Variants in FGGY observed in about 807,000 individuals in gnomAD.
FGGY encodes the protein FGGY carbohydrate kinase domain-containing protein.
A neutral mutation model predicts 71.3 loss-of-function variants in FGGY; 72 were observed. The observed-to-expected ratio is 1.01, with a 90% CI of 0.84 to 1.23. The LOEUF is 1.23. FGGY is among the 50% of genes most tolerant of loss of function. FGGY has a pLI of 0.00. For missense variants in FGGY, 668 were observed against 682.3 expected, an observed-to-expected ratio of 0.98 and a Z score of 0.23; for synonymous variants, 251 against 250.3, an observed-to-expected ratio of 1.00 and a Z score of -0.02.
intron 4 of FGGY, among the ~76,000 whole-genome samples, chr1:59,365,961 G>A (rs927162711): frequency 4.6e-5 from 7 of 152,142 alleles, no homozygotes; most frequent in African/African-American, 1.4e-4. Flanking sequence ...TGGTGAGGAC[G>A]GCAATCAAAA....
chr1:59,573,403 C>T (rs1230751927), intron 8 of FGGY, among the ~76,000 whole-genome samples: 5 of 151,978 alleles, frequency 3.3e-5, no homozygotes, highest in African/African-American at 9.7e-5. Flanking sequence ...ATGTCTGCCA[C>T]TTTCAAATGG....
At chr1:59,692,258 T>A (rs2097596235) in intron 14 of FGGY, among the ~76,000 whole-genome samples, 1 of 152,248 alleles carries the variant, frequency 6.6e-6, no homozygotes, top group Non-Finnish European at 1.5e-5. Flanking sequence ...TAATCATTGC[T>A]ATTATGTTAA....
At chr1:59,347,870 C>A (rs376263349) in intron 4 of FGGY, among the ~76,000 whole-genome samples, 167 of 152,314 alleles carry the variant, frequency 1.1e-3, no homozygotes, top group Middle Eastern at 3.4e-3. Context: ...AAAACCTAGG[C>A]AGTACCATTC....
At chr1:59,653,832 A>T (rs1057281960) in intron 11 of FGGY, among the ~76,000 whole-genome samples, 1 of 152,110 alleles carries the variant, frequency 6.6e-6, no homozygotes, top group African/African-American at 2.4e-5. Flanking sequence ...TCATGCTTTG[A>T]ACCACTCCGA....
chr1:59,694,329 AAAT>A (rs1403986160), intron 14 of FGGY, among the ~76,000 whole-genome samples: 2 of 149,040 alleles, frequency 1.3e-5, no homozygotes, highest in Non-Finnish European at 3.0e-5. Context: ...ATAAATAAAT[AAAT>A]AAAATACTGA....
At chr1:59,304,538 T>C (rs531131494) in intron 1 of FGGY, among the ~76,000 whole-genome samples, 2 of 152,240 alleles carry the variant, frequency 1.3e-5, no homozygotes, top group South Asian at 2.1e-4. Flanking sequence ...AAGATTGCTT[T>C]AGCTATTTGG....
intron 11 of FGGY, among the ~76,000 whole-genome samples, chr1:59,652,468 C>A (rs1373917578): frequency 6.9e-6 from 1 of 144,978 alleles, no homozygotes; most frequent in Non-Finnish European, 1.5e-5. Flanking sequence ...ATTCTTTTTT[C>A]TCTAAACTTC....
intron 8 of FGGY, among the ~76,000 whole-genome samples, chr1:59,556,599 A>G (rs2095690192): frequency 6.6e-6 from 1 of 152,212 alleles, no homozygotes; most frequent in South Asian, 2.1e-4. Context: ...TACATTGTCC[A>G]GAGGCAAGCT....
intron 5 of FGGY, among the ~76,000 whole-genome samples, chr1:59,453,727 A>C (rs767356280): frequency 2.0e-5 from 3 of 152,072 alleles, no homozygotes; most frequent in Non-Finnish European, 4.4e-5. Flanking sequence ...AAACACATAG[A>C]ATCTCTTGAG....
rs2046238123 is a variant in FGGY, at chr1:59,320,721, G to A, written c.-14-815G>A. On this transcript the variant is annotated intron_variant, in intron 1 of 15. Coordinates refer to ENST00000303721, the MANE Select transcript of FGGY (RefSeq NM_018291.5). ...CAATTCCCAGTCACTTCATGACAAA[G>A]CTGCAATATATTTGCCTCTTCTCCA... is the stretch of plus-strand genomic sequence containing the variant. Among the ~76,000 whole-genome samples, 3 of 152,264 alleles carry A rather than the reference G, an allele frequency of 2.0e-5. No homozygotes were observed. In the South Asian group the frequency reaches 6.2e-4, roughly 32 times the overall value.
intron 4 of FGGY, among the ~76,000 whole-genome samples, chr1:59,348,788 G>A (rs1414093003): frequency 1.3e-5 from 2 of 152,142 alleles, no homozygotes; most frequent in Non-Finnish European, 2.9e-5. Flanking sequence ...GAGCTGTTTT[G>A]TAAGTTTTAA....
chr1:59,693,075 A>G (rs573028853), intron 14 of FGGY, among the ~76,000 whole-genome samples: 56 of 152,272 alleles, frequency 3.7e-4, no homozygotes, highest in Non-Finnish European at 6.5e-4. Flanking sequence ...CAATTTCACA[A>G]TCTAAAAGAT....
chr1:59,667,201 C>T (rs889437299), intron 12 of FGGY, 82 bp from the exon 13 acceptor site: 7 of 1,508,892 alleles, frequency 4.6e-6, no homozygotes, highest in South Asian at 4.5e-5. Flanking sequence ...CAGTGTCTAG[C>T]ACTGAGTAGA....
intron 8 of FGGY, among the ~76,000 whole-genome samples, chr1:59,576,084 A>G (rs1437413807): frequency 6.6e-6 from 1 of 152,200 alleles, no homozygotes; most frequent in South Asian, 2.1e-4. Context: ...GATAAAAAGC[A>G]TTCTCACATG....
intron 5 of FGGY, among the ~76,000 whole-genome samples, chr1:59,409,598 T>TATATA (rs1553185795): frequency 2.3e-4 from 24 of 105,774 alleles, no homozygotes; most frequent in African/African-American, 4.0e-4. Context: ...GAAGAGTTTT[T>TATATA]TATATATATA....
chr1:59,703,202 T>G (rs1291687915), intron 14 of FGGY, among the ~76,000 whole-genome samples: 1 of 152,178 alleles, frequency 6.6e-6, no homozygotes, highest in Non-Finnish European at 1.5e-5. Flanking sequence ...CCTTTCTTCC[T>G]CAGGTATTTT....
intron 7 of FGGY, among the ~76,000 whole-genome samples, chr1:59,524,803 A>T (rs534871508): frequency 6.6e-6 from 1 of 152,288 alleles, no homozygotes; most frequent in Non-Finnish European, 1.5e-5. Context: ...CACCTTGCTC[A>T]CCCTGCAGTT....
At chr1:59,759,317 G>C (rs1368847613) in intron 15 of FGGY, among the ~76,000 whole-genome samples, 2 of 152,114 alleles carry the variant, frequency 1.3e-5, no homozygotes, top group Non-Finnish European at 2.9e-5. Flanking sequence ...TTCTCTAAAG[G>C]CCAGGGTGGA....
chr1:59,361,229 T>G (rs989162256), intron 4 of FGGY, among the ~76,000 whole-genome samples: 1 of 152,226 alleles, frequency 6.6e-6, no homozygotes, highest in African/African-American at 2.4e-5. Flanking sequence ...ATTTGTTTTG[T>G]TCCAGACACT....
Sources: allele counts gnomAD v4.1 joint callset (sites outside exome capture counted in the v4.1 genomes callset), GRCh38; gene constraint gnomAD v4.1.1; transcripts MANE v1.5; gene names NCBI Gene and HGNC (gene_info 2026-07-23, HGNC 2026-07-21).